MAP4K3: variants seen among roughly 807,000 people sequenced by gnomAD.
MAP4K3 encodes the protein MAPK/ERK kinase kinase kinase 3.
In MAP4K3, 94 loss-of-function variants were observed where a neutral mutation model predicts 143.5. The ratio of observed to expected loss-of-function variants is 0.65; its 90% CI spans 0.55 to 0.78. The LOEUF is 0.78. Ranked by LOEUF, MAP4K3 falls within the 30% of genes least tolerant of loss-of-function variation. The pLI is 0.00. For synonymous variants in MAP4K3, 416 were observed against 347.2 expected, an observed-to-expected ratio of 1.20 and a Z score of -2.20; for missense variants, 1,077 against 1,068.1, an observed-to-expected ratio of 1.01 and a Z score of -0.12.
At chr2:39,428,791 C>T (rs115053366) in intron 1 of MAP4K3, among the ~76,000 whole-genome samples, 5,800 of 151,584 alleles carry the variant, frequency 0.038, 139 homozygotes, top group Non-Finnish European at 0.053. Flanking sequence ...GTCCATGGGC[C>T]GGGTGCAGTG....
chr2:39,325,668 T>A (rs1225099893), intron 11 of MAP4K3, 40 bp from the exon 12 acceptor site: 2 of 1,560,916 alleles, frequency 1.3e-6, no homozygotes, highest in East Asian at 2.3e-5. Context: ...TTACTATAAA[T>A]CTGATTGAAT....
intron 1 of MAP4K3, among the ~76,000 whole-genome samples, chr2:39,426,392 G>T (rs1665084121): frequency 6.6e-6 from 1 of 152,006 alleles, no homozygotes. Context: ...ACATTACTGG[G>T]ACTCCTGAAA....
At chr2:39,267,883 T>A (rs1168491833) in intron 26 of MAP4K3, among the ~76,000 whole-genome samples, 2 of 152,094 alleles carry the variant, frequency 1.3e-5, no homozygotes, top group Non-Finnish European at 2.9e-5. Context: ...CCCCCACTGA[T>A]TCAACCTTAG....
rs114749978 is a variant in MAP4K3, at chr2:39,251,838, T to C, written c.2589A>G (p.Gly863=). ...SDSTRIFRLL[G]SDRVVVLESR... The stretch of plus-strand genomic sequence containing the variant: ...ACAGTCCGTTTTCATACCTGTCAGA[T>C]CCAAGCAGCCTGAAAATTCTTGTGC... The change falls in exon 33 of 34, where the codon GGA becomes GGG. Residue 863 remains glycine (G), a synonymous_variant. Transcript: ENST00000263881. 4.6e-4 allele frequency: 738 copies of C among 1,613,700 alleles called. 6 individuals are homozygous for C. In the African/African-American group the frequency reaches 8.9e-3, roughly 19 times the overall value.
At chr2:39,295,973 C>T (rs1426881280) in intron 16 of MAP4K3, among the ~76,000 whole-genome samples, 1 of 152,130 alleles carries the variant, frequency 6.6e-6, no homozygotes, top group African/African-American at 2.4e-5. Context: ...CCCGCCTTGG[C>T]TTCCCAGTGT....
chr2:39,378,312 T>C (rs376501487), intron 1 of MAP4K3, among the ~76,000 whole-genome samples, 189 bp from the exon 2 acceptor site: 1 of 152,196 alleles, frequency 6.6e-6, no homozygotes, highest in Non-Finnish European at 1.5e-5. Context: ...AAATTTAATA[T>C]TGGCAAAACT....
chr2:39,385,680 G>T (rs1666486036), intron 1 of MAP4K3, among the ~76,000 whole-genome samples: 2 of 148,030 alleles, frequency 1.4e-5, no homozygotes, highest in African/African-American at 5.0e-5. Context: ...CCCAGGCTAG[G>T]GTGCAATGGC....
At chr2:39,307,901 C>G (rs1465587763) in intron 15 of MAP4K3, 42 bp downstream of exon 15, 20 of 1,439,008 alleles carry the variant, frequency 1.4e-5, no homozygotes, top group Middle Eastern at 1.8e-4. Context: ...ACAATTAAGA[C>G]TAAAACAATG....
intron 28 of MAP4K3, among the ~76,000 whole-genome samples, chr2:39,261,532 G>C (rs1680568043): frequency 6.6e-6 from 1 of 152,152 alleles, no homozygotes; most frequent in South Asian, 2.1e-4. Flanking sequence ...TACAACACTG[G>C]TGGTGGGACA....
intron 1 of MAP4K3, among the ~76,000 whole-genome samples, chr2:39,420,000 G>C (rs1257965252): frequency 6.6e-6 from 1 of 152,188 alleles, no homozygotes; most frequent in Non-Finnish European, 1.5e-5. Context: ...CTATCACTCA[G>C]CACTTTCAAT....
At chr2:39,378,242 T>C in intron 1 of MAP4K3, 119 bp from the exon 2 acceptor site, 1 of 589,818 alleles carries the variant, frequency 1.7e-6, no homozygotes, top group South Asian at 2.3e-5. Context: ...AATGCAAATG[T>C]AATTTATATT....
intron 2 of MAP4K3, among the ~76,000 whole-genome samples, chr2:39,364,318 GCATAATGTATAA>G: frequency 6.6e-6 from 1 of 152,138 alleles, no homozygotes; most frequent in South Asian, 2.1e-4. Flanking sequence ...ATATTCTAGA[GCATAATGTATAA>G]CATAATGGTT....
At chr2:39,329,722 A>T (rs116252504) in intron 8 of MAP4K3, among the ~76,000 whole-genome samples, 4,983 of 152,296 alleles carry the variant, frequency 0.033, 101 homozygotes, top group African/African-American at 0.052. Flanking sequence ...CCAAGGAGTG[A>T]AGAGGTTAAA....
At chr2:39,295,287 A>T (rs543400509) in intron 16 of MAP4K3, among the ~76,000 whole-genome samples, 2 of 151,944 alleles carry the variant, frequency 1.3e-5, no homozygotes, top group Non-Finnish European at 2.9e-5. Context: ...TTAAGAATGG[A>T]GATTTTTTTT....
At chr2:39,263,657 T>G (rs1252578892) in intron 28 of MAP4K3, among the ~76,000 whole-genome samples, 1 of 151,998 alleles carries the variant, frequency 6.6e-6, no homozygotes, top group Non-Finnish European at 1.5e-5. Flanking sequence ...ACATTATAGC[T>G]CAGAGAGTTT....
At chr2:39,420,726 C>T (rs1667523488) in intron 1 of MAP4K3, among the ~76,000 whole-genome samples, 3 of 152,168 alleles carry the variant, frequency 2.0e-5, no homozygotes, top group Admixed American at 2.0e-4. Flanking sequence ...ATGAATTTCT[C>T]AAATATTAAA....
chr2:39,361,629 T>C (rs76240319), intron 2 of MAP4K3, among the ~76,000 whole-genome samples: 3,798 of 151,842 alleles, frequency 0.025, 162 homozygotes, highest in African/African-American at 0.087. Context: ...TTAAAACCCA[T>C]AGGCTCCATA....
chr2:39,392,303 G>C (rs1181568927), intron 1 of MAP4K3, among the ~76,000 whole-genome samples: 1 of 150,822 alleles, frequency 6.6e-6, no homozygotes, highest in African/African-American at 2.4e-5. Context: ...TGGGATAAAT[G>C]TTAAGTGAAA....
intron 2 of MAP4K3, among the ~76,000 whole-genome samples, chr2:39,373,536 T>C (rs1477265447): frequency 6.6e-6 from 1 of 152,208 alleles, no homozygotes; most frequent in East Asian, 1.9e-4. Context: ...GGAAGCAACC[T>C]AAGTGTCCAT....
Sources: gnomAD v4.1 joint callset for allele counts (sites outside exome capture counted in the v4.1 genomes callset) on GRCh38, gnomAD v4.1.1 for gene constraint, MANE v1.5 for transcripts, NCBI Gene and HGNC (gene_info 2026-07-23, HGNC 2026-07-21) for gene names.